Variants in PTPRN2 observed in about 807,000 individuals in gnomAD.
The protein encoded by PTPRN2 is protein tyrosine phosphatase receptor type N2.
PTPRN2 carries 74 observed loss-of-function variants against 118.8 expected under a neutral mutation model. That is an observed-to-expected ratio of 0.62 (90% CI 0.52 to 0.76). PTPRN2 has a LOEUF of 0.76. PTPRN2 is among the 30% of genes least tolerant of loss of function. The probability of loss-of-function intolerance (pLI) is 0.00; values close to 1 mark genes in which losing one functional copy is unlikely to be tolerated. For missense variants in PTPRN2, 1,481 were observed against 1,394.4 expected (o/e 1.06, Z -0.99); for synonymous variants, 641 against 608.0 (o/e 1.05, Z -0.80).
chr7:158,405,049 CG>C (rs1445098052), intron 2 of PTPRN2, among the ~76,000 whole-genome samples: 1 of 148,886 alleles, frequency 6.7e-6, no homozygotes, highest in Non-Finnish European at 1.5e-5. Flanking sequence ...CCCAGCTCCC[CG>C]GCCCCCAGCT....
At chr7:157,634,123 C>T (rs777650940) in intron 14 of PTPRN2, among the ~76,000 whole-genome samples, 24 of 151,884 alleles carry the variant, frequency 1.6e-4, no homozygotes, top group Non-Finnish European at 2.4e-4. Context: ...ATCTGACCTG[C>T]CCTTCCTCAC....
At position 158,133,848 on chromosome 7, in the gene PTPRN2, T is replaced by A. The variant is rs1818582899; in HGVS notation, c.1385A>T (p.His462Leu). Residue 462 changes from histidine to leucine, a missense_variant, in exon 9 of 23, where the codon CAT (histidine) becomes CTT (leucine). This residue lies in a region of PTPRN2 where 1,115 missense variants were observed against 994.2 expected (regional missense o/e 1.12). Transcript: ENST00000389418. ...YSKDLLGQQP[H>L]SEPGAAAFGE... ...AAACGCAGCGGCCCCGGGCTCCGAA[T>A]GCGGCTGCTGCCCCAGCAGATCTTT... 6.2e-7 allele frequency: 1 copy of A among 1,613,902 alleles called. No individual in the cohort carries two copies. The highest frequency in any genetic ancestry group is 1.3e-5 in the African/African-American group (1 of 75,058).
chr7:157,660,347 G>A (rs1453043654), intron 13 of PTPRN2, among the ~76,000 whole-genome samples: 1 of 152,146 alleles, frequency 6.6e-6, no homozygotes, highest in Non-Finnish European at 1.5e-5. Context: ...TCTGAGCTCT[G>A]TTATTTCCTG....
At chr7:158,310,480 G>A (rs1586200098) in intron 3 of PTPRN2, among the ~76,000 whole-genome samples, 1 of 152,224 alleles carries the variant, frequency 6.6e-6, no homozygotes, top group East Asian at 1.9e-4. Context: ...CATGCTCTGG[G>A]CTCCTGTGGA....
intron 3 of PTPRN2, among the ~76,000 whole-genome samples, chr7:158,297,048 C>T (rs1482217931): frequency 6.6e-6 from 1 of 152,224 alleles, no homozygotes; most frequent in Admixed American, 6.5e-5. Flanking sequence ...TCCATCCAAA[C>T]ACAAACGTGC....
intron 3 of PTPRN2, among the ~76,000 whole-genome samples, chr7:158,211,132 T>C (rs1827565645): frequency 6.6e-6 from 1 of 152,156 alleles, no homozygotes; most frequent in South Asian, 2.1e-4. Flanking sequence ...TGCAGAAGAA[T>C]GAAACTAGAC....
chr7:158,488,461 C>G (rs1433657386), intron 2 of PTPRN2, among the ~76,000 whole-genome samples: 1 of 152,226 alleles, frequency 6.6e-6, no homozygotes, highest in Non-Finnish European at 1.5e-5. Flanking sequence ...CCAGAAGCTG[C>G]CTAGGCACAG....
chr7:158,056,700 C>T (rs962138193), intron 11 of PTPRN2, among the ~76,000 whole-genome samples: 2 of 152,232 alleles, frequency 1.3e-5, no homozygotes, highest in African/African-American at 4.8e-5. Flanking sequence ...CTTATAGCTA[C>T]ATTTTGCCAA....
chr7:157,596,991 T>G lies in PTPRN2; in HGVS notation c.2419-1676A>C, dbSNP rs2150568917. Reference sequence around the variant, plus strand: ...TGCTGCTGCATTTGGGAAGCTGACGTGGGGCACGTTTTCTTTAACAGCGAG... The same window carrying G: ...TGCTGCTGCATTTGGGAAGCTGACGGGGGGCACGTTTTCTTTAACAGCGAG... On this transcript the variant is annotated intron_variant, in intron 16 of 22. Coordinates refer to ENST00000389418, the MANE Select transcript of PTPRN2 (RefSeq NM_002847.5). The surrounding 1 kb of genome is among the most constrained non-coding windows in gnomAD (Gnocchi z 4.2). Among the ~76,000 whole-genome samples, 1 of 152,286 alleles carries G rather than the reference T, an allele frequency of 6.6e-6. No homozygotes were observed. The highest frequency in any genetic ancestry group is 1.5e-5 in the Non-Finnish European group (1 of 68,018).
intron 3 of PTPRN2, among the ~76,000 whole-genome samples, chr7:158,316,457 C>T (rs548549533): frequency 6.6e-6 from 1 of 152,326 alleles, no homozygotes; most frequent in East Asian, 1.9e-4. Flanking sequence ...AATTTCACAA[C>T]AGTGACAGGC....
chr7:157,816,807 C>G (rs1228907430), intron 12 of PTPRN2, among the ~76,000 whole-genome samples: 1 of 152,214 alleles, frequency 6.6e-6, no homozygotes, highest in African/African-American at 2.4e-5. Context: ...GGCTCCCTGG[C>G]CCCCTCTCTT....
intron 12 of PTPRN2, among the ~76,000 whole-genome samples, chr7:157,725,839 G>A (rs111325155): frequency 8.5e-6 from 1 of 118,322 alleles, no homozygotes; most frequent in East Asian, 2.5e-4. Context: ...CCAGACCCTC[G>A]CCTCCCAGGA....
intron 12 of PTPRN2, among the ~76,000 whole-genome samples, chr7:157,714,799 T>C (rs1266398037): frequency 7.0e-6 from 1 of 143,470 alleles, no homozygotes; most frequent in Non-Finnish European, 1.5e-5. Context: ...GGATTCTAGG[T>C]CTCCCGCTTT....
At chr7:158,475,270 T>TGGGGAGGCCCCGA (rs1820164532) in intron 2 of PTPRN2, among the ~76,000 whole-genome samples, 1 of 141,636 alleles carries the variant, frequency 7.1e-6, no homozygotes, top group African/African-American at 3.1e-5. Flanking sequence ...TTCCCCTGTC[T>TGGGGAGGCCCCGA]AGGGAGGCCC....
chr7:157,551,167 G>T (rs957669446), intron 21 of PTPRN2, among the ~76,000 whole-genome samples: 3 of 152,124 alleles, frequency 2.0e-5, no homozygotes, highest in East Asian at 3.9e-4. Context: ...TGCATGGAGA[G>T]CGCCAGGTTA....
intron 12 of PTPRN2, among the ~76,000 whole-genome samples, chr7:157,787,000 T>C (rs1804080291): frequency 6.6e-6 from 1 of 152,062 alleles, no homozygotes; most frequent in East Asian, 1.9e-4. Context: ...CTGGGACAGC[T>C]TGAGGGGCAG....
At chr7:157,576,132 A>G (rs1800025770) in intron 19 of PTPRN2, among the ~76,000 whole-genome samples, 1 of 152,202 alleles carries the variant, frequency 6.6e-6, no homozygotes, top group Non-Finnish European at 1.5e-5. Context: ...AATTTTTTAA[A>G]GAGGGTCAGT....
intron 1 of PTPRN2, among the ~76,000 whole-genome samples, chr7:158,523,624 A>G (rs1824450081): frequency 8.3e-6 from 1 of 120,882 alleles, no homozygotes; most frequent in African/African-American, 3.3e-5. Context: ...CCTGGAGTGG[A>G]GTCATCTGCC....
At chr7:158,454,642 T>C (rs1670374) in intron 2 of PTPRN2, among the ~76,000 whole-genome samples, 79,224 of 146,614 alleles carry the variant, frequency 0.54, 21,101 homozygotes, top group Middle Eastern at 0.56. Flanking sequence ...GGATTGGGGA[T>C]GGTTGCTATG....
Sources: gnomAD v4.1 joint callset for allele counts (sites outside exome capture counted in the v4.1 genomes callset) on GRCh38, gnomAD v4.1.1 for gene constraint, gnomAD v4.1.1 regional missense constraint, Gnocchi (gnomAD v3.1) non-coding constraint, MANE v1.5 for transcripts, NCBI Gene and HGNC (gene_info 2026-07-23, HGNC 2026-07-21) for gene names.